The following NTRK2 variants were observed in gnomAD, a reference collection of about 807,000 sequenced individuals.
NTRK2 encodes neurotrophic receptor tyrosine kinase 2.
NTRK2 carries 13 observed loss-of-function variants against 94.5 expected under a neutral mutation model. The observed-to-expected ratio is 0.14, with a 90% CI of 0.09 to 0.22. The LOEUF is 0.22. Ranked by LOEUF, NTRK2 falls within the 10% of genes least tolerant of loss-of-function variation. The probability of loss-of-function intolerance (pLI) is 1.00; values close to 1 mark genes in which losing one functional copy is unlikely to be tolerated. For synonymous variants in NTRK2, 372 were observed against 407.4 expected (o/e 0.91, Z 1.05); for missense variants, 639 against 1,071.2 (o/e 0.60, Z 5.63).
chr9:84,926,180 T>C (rs1195900030), intron 14 of NTRK2, among the ~76,000 whole-genome samples: 1 of 86,240 alleles, frequency 1.2e-5, no homozygotes, highest in African/African-American at 3.9e-5. Flanking sequence ...CTTTCTTTCT[T>C]TCTTTCTTTC....
At chr9:84,860,588 G>A (rs2075287057) in intron 12 of NTRK2, among the ~76,000 whole-genome samples, 2 of 151,986 alleles carry the variant, frequency 1.3e-5, no homozygotes, top group Non-Finnish European at 2.9e-5. Flanking sequence ...ACATTGCTGC[G>A]GTTCAGAACC....
intron 14 of NTRK2, among the ~76,000 whole-genome samples, chr9:84,911,897 T>C (rs1019063247): frequency 6.6e-6 from 1 of 152,132 alleles, no homozygotes; most frequent in African/African-American, 2.4e-5. Flanking sequence ...TTTAGTGCTA[T>C]AATTTTTCTC....
At position 84,875,983 on chromosome 9, in the gene NTRK2, A is replaced by G. The variant is rs1421695985; in HGVS notation, c.1633+8552A>G. 2.2e-5 allele frequency: 23 copies of G among 1,036,648 alleles called. No homozygotes were observed. In the South Asian group the frequency reaches 6.0e-4, roughly 27 times the overall value. 64.2% of individuals were successfully genotyped at this position (1,036,648 alleles called of 1,614,324 possible). A position where few individuals can be genotyped will look rare whatever the true frequency, so the allele number is the denominator to read the frequency against. On this transcript the variant is annotated intron_variant, in intron 14 of 18. Coordinates refer to ENST00000277120, the MANE Select transcript of NTRK2 (RefSeq NM_006180.6). ...ATTTCAGAACCAAAGGCAGGGGGGAATCCCAGAAAGAAAACAATAATATAA... is the reference window on the plus strand; with the variant it reads ...ATTTCAGAACCAAAGGCAGGGGGGAGTCCCAGAAAGAAAACAATAATATAA...
chr9:84,697,764 G>C (rs1399623140), intron 2 of NTRK2, among the ~76,000 whole-genome samples: 1 of 152,200 alleles, frequency 6.6e-6, no homozygotes, highest in African/African-American at 2.4e-5. Context: ...CTGTGGAGCA[G>C]GGAAAGAAAG....
intron 12 of NTRK2, among the ~76,000 whole-genome samples, chr9:84,799,338 G>T (rs925654721): frequency 8.5e-5 from 13 of 152,110 alleles, no homozygotes; most frequent in African/African-American, 2.4e-4. Context: ...GGCAATGCAG[G>T]TTGGAAACTG....
At chr9:84,852,566 T>A (rs1273066209) in intron 12 of NTRK2, among the ~76,000 whole-genome samples, 1 of 152,082 alleles carries the variant, frequency 6.6e-6, no homozygotes, top group Non-Finnish European at 1.5e-5. Flanking sequence ...TTATTAGGAG[T>A]TGCAGGTTCC....
At chr9:84,947,575 G>C (rs1380747012) in intron 15 of NTRK2, among the ~76,000 whole-genome samples, 2 of 152,240 alleles carry the variant, frequency 1.3e-5, no homozygotes, top group Non-Finnish European at 2.9e-5. Context: ...CATGGGTTTC[G>C]AGAGGAGTGT....
At chr9:84,714,575 G>A (rs1420476635) in intron 6 of NTRK2, among the ~76,000 whole-genome samples, 1 of 152,066 alleles carries the variant, frequency 6.6e-6, no homozygotes, top group African/African-American at 2.4e-5. Context: ...TCCCAACTTT[G>A]GTTCTTTCAG....
chr9:84,850,803 A>G (rs1303608578), intron 12 of NTRK2, among the ~76,000 whole-genome samples: 1 of 152,204 alleles, frequency 6.6e-6, no homozygotes, highest in Non-Finnish European at 1.5e-5. Flanking sequence ...AGCAGTAGAA[A>G]GAAATGACGC....
In NTRK2 at chr9:84,984,511, G is replaced by A. The variant is rs1158732285; in HGVS notation, c.2172+28994G>A. ...ACAAACAAACAAAAAACAAAAAAAA[G>A]ATTTCTAGGTTCTGCCACAGTTTCT... On this transcript the variant is annotated intron_variant, in intron 17 of 18. Transcript: ENST00000277120. Among the ~76,000 whole-genome samples, 2 of 140,702 alleles carry A rather than the reference G, an allele frequency of 1.4e-5. 1 individual carries two copies. The highest frequency in any genetic ancestry group is 4.6e-4 in the South Asian group (2 of 4,308). 92.3% of individuals were successfully genotyped at this position (140,702 alleles called of 152,430 possible).
At chr9:84,731,577 A>T (rs971676387) in intron 9 of NTRK2, among the ~76,000 whole-genome samples, 5 of 152,218 alleles carry the variant, frequency 3.3e-5, no homozygotes, top group African/African-American at 1.2e-4. Flanking sequence ...AAAGTCTCCA[A>T]AACAAAAATT....
intron 11 of NTRK2, among the ~76,000 whole-genome samples, chr9:84,750,257 A>G (rs2064468496): frequency 6.6e-6 from 1 of 152,130 alleles, no homozygotes; most frequent in African/African-American, 2.4e-5. Context: ...CCTGGATGGC[A>G]ATATTATTGT....
At chr9:84,831,120 A>G (rs776505411) in intron 12 of NTRK2, among the ~76,000 whole-genome samples, 19 of 152,198 alleles carry the variant, frequency 1.2e-4, no homozygotes, top group Admixed American at 2.6e-4. Flanking sequence ...AGTAATTTCC[A>G]ATTTCATTGT....
intron 15 of NTRK2, among the ~76,000 whole-genome samples, chr9:84,948,168 G>A (rs2078662657): frequency 6.6e-6 from 1 of 152,212 alleles, no homozygotes; most frequent in African/African-American, 2.4e-5. Context: ...GCACCAACAA[G>A]GGAAAGAAGC....
chr9:84,791,653 C>T (rs891362408), intron 12 of NTRK2, among the ~76,000 whole-genome samples: 2 of 152,020 alleles, frequency 1.3e-5, no homozygotes, highest in Non-Finnish European at 1.5e-5. Flanking sequence ...ATACATTGCT[C>T]GTAGAAGTAA....
Position 85,022,658 on chromosome 9 carries a change from G to A in NTRK2, c.*1221G>A, listed in dbSNP as rs1832839924. 1 of 233,132 alleles carries A rather than the reference G, an allele frequency of 4.3e-6. No individual in the cohort carries two copies. Among genetic ancestry groups the A allele is most frequent in the African/African-American group, 2.2e-5 (1 of 45,324 alleles). 14.4% of individuals were successfully genotyped at this position (233,132 alleles called of 1,614,324 possible). ...TGGTCTTCGTCGATTAATACCTTGT[G>A]TGCAGACACTACTGCTCCAGACGTC... On this transcript the variant is annotated 3_prime_UTR_variant, in exon 19 of 19. Transcript: ENST00000277120.
intron 14 of NTRK2, among the ~76,000 whole-genome samples, chr9:84,926,157 CCTTCCTTCCTTCCTTT>C (rs1564470957): frequency 6.3e-3 from 503 of 79,946 alleles, no homozygotes; most frequent in Admixed American, 9.8e-3. Flanking sequence ...TTCCTTCCTT[CCTTCCTTCCTTCCTTT>C]CTTTCTTTCT....
intron 12 of NTRK2, among the ~76,000 whole-genome samples, chr9:84,833,752 T>G (rs2073711784): frequency 6.6e-6 from 1 of 152,152 alleles, no homozygotes. Context: ...TCTTTGGAGC[T>G]TCATAGCAGC....
intron 14 of NTRK2, among the ~76,000 whole-genome samples, chr9:84,885,569 T>C (rs1269393190): frequency 1.3e-5 from 2 of 152,114 alleles, no homozygotes; most frequent in Non-Finnish European, 2.9e-5. Context: ...TGGAAAACCC[T>C]TAGACTGAAA....
Sources: allele counts gnomAD v4.1 joint callset (sites outside exome capture counted in the v4.1 genomes callset), GRCh38; gene constraint gnomAD v4.1.1; transcripts MANE v1.5; gene names NCBI Gene and HGNC (gene_info 2026-07-23, HGNC 2026-07-21).